CDK8: variants seen among roughly 807,000 people sequenced by gnomAD.
CDK8 encodes the protein cyclin dependent kinase 8, also known as cyclin-dependent kinase 8.
A neutral mutation model predicts 71.5 loss-of-function variants in CDK8; 29 were observed. The observed-to-expected ratio is 0.41, with a 90% CI of 0.30 to 0.55. The LOEUF is 0.55. CDK8 is among the 20% of genes least tolerant of loss of function. The pLI is 0.37. For missense variants in CDK8, 288 were observed against 572.6 expected (o/e 0.50, Z 5.07); for synonymous variants, 161 against 192.1 (o/e 0.84, Z 1.34).
Position 26,401,836 on chromosome 13 carries a change from A to G in CDK8, c.1269+212A>G, listed in dbSNP as rs779363552. Among the ~76,000 whole-genome samples, 6 of 152,226 alleles carry G rather than the reference A, an allele frequency of 3.9e-5. No homozygotes were observed. Among genetic ancestry groups the G allele is most frequent in the Non-Finnish European group, 8.8e-5 (6 of 68,038 alleles). Reference sequence around the variant, plus strand: ...CCAGACTTGGAATGATCAAATACAAATTATGCCATTTATTAACTGTGTGAC... The same window carrying G: ...CCAGACTTGGAATGATCAAATACAAGTTATGCCATTTATTAACTGTGTGAC... On this transcript the variant is annotated intron_variant, in intron 12 of 12. Coordinates refer to ENST00000381527, the MANE Select transcript of CDK8 (RefSeq NM_001260.3). This position sits in a 1 kb window ranked among gnomAD's most constrained non-coding sequence, Gnocchi z 4.5.
chr13:26,261,204 C>T (rs965857304), intron 1 of CDK8, among the ~76,000 whole-genome samples: 6 of 152,132 alleles, frequency 3.9e-5, no homozygotes, highest in Non-Finnish European at 5.9e-5. Context: ...TGTCAAAGTC[C>T]CAAAACCAGT....
At chr13:26,280,593 A>T (rs34380227) in intron 1 of CDK8, among the ~76,000 whole-genome samples, 1 of 152,246 alleles carries the variant, frequency 6.6e-6, no homozygotes, top group Non-Finnish European at 1.5e-5. Flanking sequence ...GCATCTTTTC[A>T]TATGATTAAT....
rs1871437013 is a variant in CDK8 at position 26,254,683 on chromosome 13, G to A, written c.42G>A (p.Glu14=). Residue 14 remains glutamate, a synonymous_variant, in exon 1 of 13, where the codon GAG becomes GAA. Transcript: ENST00000381527. The surrounding 1 kb of genome is among the most constrained non-coding windows in gnomAD (Gnocchi z 6.7). ...DFKVKLSSER[E]RVEDLFEYEG... is the part of the protein sequence containing the mutation. The stretch of plus-strand genomic sequence containing the variant: ...AAGTGAAGCTGAGCAGCGAGCGGGA[G>A]CGGGTCGAGGACCTGTTTGAATACG... 2 of 1,612,614 alleles carry A rather than the reference G, an allele frequency of 1.2e-6. No homozygotes were observed. The highest frequency in any genetic ancestry group is 1.7e-6 in the Non-Finnish European group (2 of 1,179,400).
chr13:26,393,588 A>G (rs913286900), intron 7 of CDK8, 78 bp downstream of exon 7: 1 of 1,422,322 alleles, frequency 7.0e-7, no homozygotes, highest in Non-Finnish European at 9.6e-7. Context: ...AGAGGTATAT[A>G]TTTTTAGCTG....
intron 6 of CDK8, among the ~76,000 whole-genome samples, chr13:26,392,734 T>G (rs575285555): frequency 6.6e-6 from 1 of 152,250 alleles, no homozygotes; most frequent in African/African-American, 2.4e-5. Context: ...AAGAACCACT[T>G]TGGAAAAAAA....
chr13:26,342,996 G>T (rs189540095), intron 2 of CDK8, among the ~76,000 whole-genome samples: 6 of 152,176 alleles, frequency 3.9e-5, no homozygotes, highest in African/African-American at 1.4e-4. Context: ...GACACTCCTG[G>T]TGTCTCTCTG....
chr13:26,405,024 A>T lies in CDK8; in HGVS notation c.*943A>T. The T allele has an allele frequency of 5.3e-6, 1 of 188,978 alleles. No homozygotes were observed. Among genetic ancestry groups the T allele is most frequent in the Non-Finnish European group, 1.1e-5 (1 of 89,764 alleles). The allele number at this position is 188,978 out of a possible 1,614,324, so 11.7% of individuals were successfully genotyped here. ...TTTCGTTCAGTTAATTTTCCTTTTG[A>T]AAACTTGTTCGCACGTTGTTTAGGG... On this transcript the variant is annotated 3_prime_UTR_variant, in exon 13 of 13. Transcript: ENST00000381527.
chr13:26,268,483 T>C (rs1394759421), intron 1 of CDK8, among the ~76,000 whole-genome samples: 1 of 152,048 alleles, frequency 6.6e-6, no homozygotes, highest in Non-Finnish European at 1.5e-5. Flanking sequence ...ATCTGGCTAA[T>C]TATTGTATTT....
chr13:26,350,916 A>G (rs1368553431), intron 3 of CDK8, among the ~76,000 whole-genome samples: 2 of 152,156 alleles, frequency 1.3e-5, no homozygotes, highest in Non-Finnish European at 2.9e-5. Flanking sequence ...AGGTAACTAT[A>G]AAATTTGCTC....
At chr13:26,393,181 C>T (rs1049193920) in intron 6 of CDK8, among the ~76,000 whole-genome samples, 186 bp from the exon 7 acceptor site, 7 of 151,920 alleles carry the variant, frequency 4.6e-5, no homozygotes, top group Non-Finnish European at 8.8e-5. Context: ...AATAATGTTT[C>T]ATGGTATTTA....
rs140088210 is a variant in CDK8, at chr13:26,347,492, A to G, written c.205-1580A>G. On this transcript the variant is annotated intron_variant, in intron 2 of 12. Coordinates refer to ENST00000381527, the MANE Select transcript of CDK8 (RefSeq NM_001260.3). Reference sequence around the variant, plus strand: ...CAATTGTTATGTGATGTCAAAGCCTAGACAACTTGCAGAATGGGAGAAAGT... The same window carrying G: ...CAATTGTTATGTGATGTCAAAGCCTGGACAACTTGCAGAATGGGAGAAAGT... Among the ~76,000 whole-genome samples, 789 of 152,336 alleles carry G rather than the reference A, an allele frequency of 5.2e-3. 4 individuals are homozygous for G. Among genetic ancestry groups the G allele is most frequent in the South Asian group, 5.4e-3 (26 of 4,826 alleles).
At chr13:26,306,622 CTTT>C (rs554661537) in intron 1 of CDK8, among the ~76,000 whole-genome samples, 2,562 of 126,650 alleles carry the variant, frequency 0.02, 78 homozygotes, top group African/African-American at 0.073. Flanking sequence ...CCTTATTGCT[CTTT>C]TTTTTTTTTT....
intron 1 of CDK8, among the ~76,000 whole-genome samples, chr13:26,318,075 A>G (rs1182276422): frequency 6.6e-6 from 1 of 152,138 alleles, no homozygotes; most frequent in Non-Finnish European, 1.5e-5. Context: ...TTAAGTTGAT[A>G]AAATTAGAAA....
At chr13:26,289,730 T>C (rs1873209066) in intron 1 of CDK8, among the ~76,000 whole-genome samples, 1 of 152,050 alleles carries the variant, frequency 6.6e-6, no homozygotes. Context: ...TTTTGTATTT[T>C]TAGTAGAGAT....
chr13:26,382,767 G>T (rs762452274), intron 4 of CDK8, 47 bp from the exon 5 acceptor site: 37 of 1,171,614 alleles, frequency 3.2e-5, no homozygotes, highest in Middle Eastern at 4.0e-4. Flanking sequence ...CTATTTAAAA[G>T]AAACCACTAC....
chr13:26,307,093 A>G (rs1874079971), intron 1 of CDK8, among the ~76,000 whole-genome samples: 1 of 152,228 alleles, frequency 6.6e-6, no homozygotes, highest in Non-Finnish European at 1.5e-5. Flanking sequence ...CTTGAAGAAT[A>G]AAACATTAGA....
At chr13:26,262,895 C>T (rs1871834609) in intron 1 of CDK8, among the ~76,000 whole-genome samples, 1 of 152,176 alleles carries the variant, frequency 6.6e-6, no homozygotes, top group Non-Finnish European at 1.5e-5. Flanking sequence ...TCTCACTAGA[C>T]AAGTTCTTTA....
At chr13:26,395,689 G>A (rs1042689576) in intron 7 of CDK8, among the ~76,000 whole-genome samples, 9 of 152,082 alleles carry the variant, frequency 5.9e-5, no homozygotes, top group African/African-American at 1.7e-4. Flanking sequence ...GTTGTTTTGG[G>A]TAATGTTAAC....
intron 2 of CDK8, among the ~76,000 whole-genome samples, chr13:26,339,756 A>ATATATATATAT (rs57119146): frequency 3.5e-5 from 5 of 142,996 alleles, no homozygotes; most frequent in African/African-American, 1.3e-4. Context: ...TTAAAAAAAA[A>ATATATATATAT]ATATATATAT....
Sources: allele counts gnomAD v4.1 joint callset (sites outside exome capture counted in the v4.1 genomes callset), GRCh38; gene constraint gnomAD v4.1.1; non-coding constraint Gnocchi (gnomAD v3.1); transcripts MANE v1.5; gene names NCBI Gene and HGNC (gene_info 2026-07-23, HGNC 2026-07-21).